Variants in CNIH4 observed in about 807,000 individuals in gnomAD.
CNIH4 encodes protein cornichon homolog 4.
CNIH4 carries 9 observed loss-of-function variants against 21.5 expected under a neutral mutation model. That is an observed-to-expected ratio of 0.42 (90% CI 0.25 to 0.73). CNIH4 has a LOEUF of 0.73. Ranked by LOEUF, CNIH4 falls within the 30% of genes least tolerant of loss-of-function variation. CNIH4 has a pLI of 0.27. For missense variants in CNIH4, 159 were observed against 170.0 expected, an observed-to-expected ratio of 0.94 and a Z score of 0.36; for synonymous variants, 67 against 59.1, an observed-to-expected ratio of 1.13 and a Z score of -0.61.
In CNIH4 at chr1:224,356,904, C is replaced by T. The variant is rs779449187; in HGVS notation, c.-21C>T. The T allele has an allele frequency of 1.6e-5, 25 of 1,591,618 alleles. No homozygotes were observed. Among genetic ancestry groups the T allele is most frequent in the Admixed American group, 3.5e-5 (2 of 57,752 alleles). Reference sequence around the variant, plus strand: ...ATCCGAGCGGGTTTGACGGAAGGAGCGGCGGCGACGGAGGAGGAGGATGGA... The same window carrying T: ...ATCCGAGCGGGTTTGACGGAAGGAGTGGCGGCGACGGAGGAGGAGGATGGA... On this transcript the variant is annotated 5_prime_UTR_variant, in exon 1 of 5. Coordinates refer to ENST00000465271, the MANE Select transcript of CNIH4 (RefSeq NM_014184.4).
intron 3 of CNIH4, among the ~76,000 whole-genome samples, chr1:224,366,675 AG>A (rs1672465499): frequency 6.6e-6 from 1 of 150,888 alleles, no homozygotes; most frequent in African/African-American, 2.4e-5. Context: ...GCTGCAAATT[AG>A]GGCTGGGTAC....
At chr1:224,361,559 C>T (rs1369540820) in intron 2 of CNIH4, among the ~76,000 whole-genome samples, 1 of 151,966 alleles carries the variant, frequency 6.6e-6, no homozygotes, top group African/African-American at 2.4e-5. Context: ...CTGGCCTAAG[C>T]TCCATATTTT....
At chr1:224,374,874 A>G (rs1197875302) in intron 4 of CNIH4, among the ~76,000 whole-genome samples, 3 of 152,166 alleles carry the variant, frequency 2.0e-5, no homozygotes, top group Non-Finnish European at 4.4e-5. Context: ...TGCTATCATT[A>G]ATTTTTACTG....
intron 2 of CNIH4, among the ~76,000 whole-genome samples, chr1:224,361,793 C>T (rs1672296202): frequency 1.3e-5 from 2 of 152,002 alleles, no homozygotes; most frequent in Admixed American, 6.6e-5. Flanking sequence ...CTATGTTGCC[C>T]AGGCTGGTCT....
chr1:224,362,786 G>A (rs978775306), intron 2 of CNIH4, among the ~76,000 whole-genome samples: 1 of 151,302 alleles, frequency 6.6e-6, no homozygotes, highest in Non-Finnish European at 1.5e-5. Context: ...GGCCCTCTGT[G>A]TACTTTTTAA....
intron 4 of CNIH4, among the ~76,000 whole-genome samples, chr1:224,372,564 GTT>G (rs965162213): frequency 6.8e-6 from 1 of 147,080 alleles, no homozygotes. Context: ...GATAGCAGGG[GTT>G]TTTTTTTTGT....
intron 1 of CNIH4, among the ~76,000 whole-genome samples, chr1:224,359,207 C>T (rs1479265073): frequency 6.6e-6 from 1 of 152,168 alleles, no homozygotes; most frequent in Non-Finnish European, 1.5e-5. Context: ...GGAAGTCTTT[C>T]ACTTTTATCC....
intron 4 of CNIH4, among the ~76,000 whole-genome samples, chr1:224,375,128 A>T (rs1372631446): frequency 6.6e-6 from 1 of 152,246 alleles, no homozygotes. Context: ...GGAGCAGCAC[A>T]GAACCCCTAC....
intron 3 of CNIH4, 143 bp from the exon 4 acceptor site, chr1:224,371,140 G>T (rs1388660243): frequency 2.5e-6 from 2 of 792,374 alleles, no homozygotes; most frequent in African/African-American, 3.5e-5. Context: ...GCCTGCCAAA[G>T]TGCTGGGATT....
At chr1:224,358,416 A>G (rs1672179243) in intron 1 of CNIH4, among the ~76,000 whole-genome samples, 1 of 152,206 alleles carries the variant, frequency 6.6e-6, no homozygotes, top group South Asian at 2.1e-4. Flanking sequence ...GGGCAGCATC[A>G]CTTGCCTAAG....
chr1:224,377,939 C>T lies in CNIH4; in HGVS notation c.*2117C>T, dbSNP rs967991767. On this transcript the variant is annotated 3_prime_UTR_variant, in exon 5 of 5. Coordinates refer to ENST00000465271, the MANE Select transcript of CNIH4 (RefSeq NM_014184.4). ...AATCAGAAAGGTGCCATGTTTATAA[C>T]AGAGGTCAAAGCTCCTTACTTCTGA... is the stretch of plus-strand genomic sequence containing the variant. 2 of 152,156 alleles carry T rather than the reference C, an allele frequency of 1.3e-5. No homozygotes were observed. The allele number at this position is 152,156 out of a possible 1,614,324, so 9.4% of individuals were successfully genotyped here. A position where few individuals can be genotyped will look rare whatever the true frequency, so the allele number is the denominator to read the frequency against.
chr1:224,366,009 ACT>A lies in CNIH4; in HGVS notation c.251+19_251+20del. Reference sequence around the variant, plus strand: ...ATATATCGGTGAGTATAGTTTGTTTACTTTGGTGTCAAGGTAGTTAAAAAAAA... The same window carrying A: ...ATATATCGGTGAGTATAGTTTGTTTATTGGTGTCAAGGTAGTTAAAAAAAA... On this transcript the variant is annotated intron_variant, in intron 3 of 4. Coordinates refer to ENST00000465271, the MANE Select transcript of CNIH4 (RefSeq NM_014184.4). 1 of 1,465,542 alleles carries A rather than the reference ACT, an allele frequency of 6.8e-7. No individual in the cohort carries two copies. The highest frequency in any genetic ancestry group is 9.6e-7 in the Non-Finnish European group (1 of 1,044,814). The allele number at this position is 1,465,542 out of a possible 1,614,324, so 90.8% of individuals were successfully genotyped here.
intron 2 of CNIH4, among the ~76,000 whole-genome samples, chr1:224,362,538 AGAT>A (rs1298020519): frequency 2.3e-5 from 3 of 131,468 alleles, no homozygotes; most frequent in Non-Finnish European, 4.7e-5. Context: ...GGCCCAGACT[AGAT>A]TGCAGTGGCG....
intron 4 of CNIH4, among the ~76,000 whole-genome samples, chr1:224,373,853 G>A (rs1345374105): frequency 6.6e-6 from 1 of 151,902 alleles, no homozygotes; most frequent in African/African-American, 2.4e-5. Flanking sequence ...ATAAAGTGGT[G>A]GGGAGTTGGA....
At chr1:224,357,576 AG>A (rs1461499496) in intron 1 of CNIH4, 52 of 152,414 alleles carry the variant, frequency 3.4e-4, no homozygotes, top group African/African-American at 1.3e-3. Flanking sequence ...CATTCGCCAA[AG>A]GAGCGAAGTT....
chr1:224,357,262 G>C, intron 1 of CNIH4: 1 of 368,998 alleles, frequency 2.7e-6, no homozygotes, highest in South Asian at 5.7e-5. Context: ...GGGCCTCTCC[G>C]GGCGCGCCCC....
intron 2 of CNIH4, among the ~76,000 whole-genome samples, chr1:224,362,393 C>CTCTCTCTT (rs1491064729): frequency 6.6e-6 from 1 of 151,434 alleles, no homozygotes; most frequent in African/African-American, 2.4e-5. Context: ...CTCTCTCTCT[C>CTCTCTCTT]TCTCTCTTTC....
intron 3 of CNIH4, among the ~76,000 whole-genome samples, chr1:224,370,734 G>A (rs116715867): frequency 4.3e-4 from 66 of 152,180 alleles, no homozygotes; most frequent in African/African-American, 1.6e-3. Context: ...ATCCTTTTCT[G>A]GAATGTTACT....
intron 1 of CNIH4, among the ~76,000 whole-genome samples, chr1:224,360,258 A>C (rs1172035367): frequency 6.6e-6 from 1 of 151,906 alleles, no homozygotes; most frequent in African/African-American, 2.4e-5. Context: ...TGAAGAACTC[A>C]AACTAAATGT....
Sources: gnomAD v4.1 joint callset for allele counts (sites outside exome capture counted in the v4.1 genomes callset) on GRCh38, gnomAD v4.1.1 for gene constraint, MANE v1.5 for transcripts, NCBI Gene and HGNC (gene_info 2026-07-23, HGNC 2026-07-21) for gene names.